The following DCLK3 variants were observed in gnomAD, a reference collection of about 807,000 sequenced individuals.
The protein encoded by DCLK3 is doublecortin like kinase 3, also known as serine/threonine-protein kinase DCLK3.
In DCLK3, 30 loss-of-function variants were observed where a neutral mutation model predicts 46.4. The observed-to-expected ratio is 0.65, with a 90% confidence interval of 0.48 to 0.88. The LOEUF is 0.88. DCLK3 is among the 40% of genes least tolerant of loss of function. The pLI is 0.00. For missense variants in DCLK3, 846 were observed against 907.1 expected (o/e 0.93, Z 0.87); for synonymous variants, 401 against 339.2 (o/e 1.18, Z -2.00).
At position 36,738,024 on chromosome 3, in the gene DCLK3, T is replaced by C; in HGVS notation, c.1143A>G (p.Gln381=). Reference sequence around the variant, plus strand: ...TGCTCTTGCTGGGTCTCCTCAGCTCTTGAGTGGGATTCCTGGGGCTGCTCC... The same window carrying C: ...TGCTCTTGCTGGGTCTCCTCAGCTCCTGAGTGGGATTCCTGGGGCTGCTCC... ...SHRSSPRNPT[Q]ELRRPSKSMD... The change falls in exon 2 of 5, where the codon CAA becomes CAG. Residue 381 remains glutamine, a synonymous_variant. Coordinates refer to ENST00000636136, the MANE Select transcript of DCLK3 (RefSeq NM_001394672.2). 6.2e-7 allele frequency: 1 copy of C among 1,614,158 alleles called. No individual in the cohort carries two copies. The highest frequency in any genetic ancestry group is 8.5e-7 in the Non-Finnish European group (1 of 1,180,022).
chr3:36,747,462 T>C (rs924833251), intron 1 of DCLK3, among the ~76,000 whole-genome samples: 4 of 151,708 alleles, frequency 2.6e-5, no homozygotes, highest in African/African-American at 4.8e-5. Flanking sequence ...TTCTCATATA[T>C]ATATATTTCT....
chr3:36,737,403 T>G lies in DCLK3; in HGVS notation c.1764A>C (p.Glu588Asp). Residue 588 changes from glutamate (E) to aspartate (D), a missense_variant, in exon 2 of 5, where the codon GAA (glutamate) becomes GAC (aspartate). Physicochemically the swap from Glu to Asp is conservative, Grantham distance 45 (BLOSUM62 2). This residue lies in a region of DCLK3 where 247 missense variants were observed against 322.8 expected (regional missense o/e 0.77). Coordinates refer to ENST00000636136, the MANE Select transcript of DCLK3 (RefSeq NM_001394672.2). This position sits in a 1 kb window ranked among gnomAD's most constrained non-coding sequence, Gnocchi z 4.4. ...AGATTTCCATGTCTGTTTCGTAGAC[T>G]TCATGCAATTTCACGATGTTGGGGT... is the stretch of plus-strand genomic sequence containing the variant. ...LSHPNIVKLHEVYETDMEIYL... is the reference protein window; with the variant it reads ...LSHPNIVKLHDVYETDMEIYL... The G allele has an allele frequency of 6.2e-7, 1 of 1,614,206 alleles. No individual in the cohort carries two copies. Among genetic ancestry groups the G allele is most frequent in the Non-Finnish European group, 8.5e-7 (1 of 1,180,038 alleles).
intron 1 of DCLK3, among the ~76,000 whole-genome samples, chr3:36,743,769 AT>A (rs1037522846): frequency 6.6e-6 from 1 of 152,050 alleles, no homozygotes; most frequent in African/African-American, 2.4e-5. Flanking sequence ...GTAGCTCCTT[AT>A]TAGCCTCCTT....
chr3:36,764,520 G>A lies in DCLK3; in HGVS notation c.-257C>T, dbSNP rs2125542025. Among the ~76,000 whole-genome samples, 1 of 152,222 alleles carries A rather than the reference G, an allele frequency of 6.6e-6. No individual in the cohort carries two copies. The highest frequency in any genetic ancestry group is 2.1e-4 in the South Asian group (1 of 4,832). The stretch of plus-strand genomic sequence containing the variant: ...CGCACCAGCTGCAGCCGCCCTCTCT[G>A]CGCCGGTCCCGCCATGCGCGCCGCT... On this transcript the variant is annotated 5_prime_UTR_variant, in exon 1 of 5. The change creates a premature stop within an existing upstream ORF in the 5' untranslated region. Coordinates refer to ENST00000636136, the MANE Select transcript of DCLK3 (RefSeq NM_001394672.2). The surrounding 1 kb of genome is among the most constrained non-coding windows in gnomAD (Gnocchi z 4.9).
chr3:36,751,061 TCTAAAA>T lies in DCLK3; in HGVS notation c.83-11983_83-11978del, dbSNP rs1305631841. On this transcript the variant is annotated intron_variant, in intron 1 of 4. Coordinates refer to ENST00000636136, the MANE Select transcript of DCLK3 (RefSeq NM_001394672.2). The stretch of plus-strand genomic sequence containing the variant: ...CCTGATATCCCTGTAGACGGGATGA[TCTAAAA>T]AAAAAAAAAAAAAAAAAAACTCCCC... Among the ~76,000 whole-genome samples, 65 of 28,248 alleles carry T rather than the reference TCTAAAA, an allele frequency of 2.3e-3. No homozygotes were observed. In the East Asian group the frequency reaches 0.075, roughly 33 times the overall value. 18.5% of individuals were successfully genotyped at this position (28,248 alleles called of 152,430 possible).
intron 1 of DCLK3, among the ~76,000 whole-genome samples, chr3:36,745,510 A>C (rs541250466): frequency 3.9e-5 from 6 of 152,248 alleles, no homozygotes; most frequent in African/African-American, 1.4e-4. Context: ...GATGACTAAA[A>C]AAGAAAGGTC....
Position 36,738,801 on chromosome 3 carries a change from G to A in DCLK3, c.366C>T (p.Phe122=), listed in dbSNP as rs990173559. 36 of 1,080,088 alleles carry A rather than the reference G, an allele frequency of 3.3e-5. No homozygotes were observed. Among genetic ancestry groups the A allele is most frequent in the African/African-American group, 1.1e-4 (7 of 62,076 alleles). The allele number at this position is 1,080,088 out of a possible 1,614,324, so 66.9% of individuals were successfully genotyped here. ...LLLNRRSVQT[F]EQLLADISEA... is the part of the protein sequence containing the mutation. The stretch of plus-strand genomic sequence containing the variant: ...CTGAGATGTCAGCTAAGAGCTGCTC[G>A]AACGTCTGCACTGATCGCCTGTTGA... The change falls in exon 2 of 5, where the codon TTC becomes TTT. Residue 122 remains phenylalanine (F), a synonymous_variant. Transcript: ENST00000636136.
intron 1 of DCLK3, among the ~76,000 whole-genome samples, chr3:36,746,068 T>C (rs555181403): frequency 8.5e-5 from 13 of 152,298 alleles, no homozygotes; most frequent in Non-Finnish European, 1.8e-4. Context: ...TCACTACCTA[T>C]CCTCTTTATT....
intron 4 of DCLK3, among the ~76,000 whole-genome samples, chr3:36,715,956 A>T (rs1234160538): frequency 6.6e-6 from 1 of 152,230 alleles, no homozygotes; most frequent in African/African-American, 2.4e-5. Context: ...CTATACATCT[A>T]CATACTTTAA....
At chr3:36,720,856 G>A (rs995794816) in intron 3 of DCLK3, among the ~76,000 whole-genome samples, 2 of 152,002 alleles carry the variant, frequency 1.3e-5, no homozygotes, top group Non-Finnish European at 2.9e-5. Flanking sequence ...GAAACTATCC[G>A]TCCATCCCTT....
chr3:36,736,381 A>G lies in DCLK3; in HGVS notation c.1959+827T>C, dbSNP rs77537272. ...ATGTGACCTTATATGTGGTTTGGAC[A>G]ATATTCTTATTTTTATCTGCATTTG... On this transcript the variant is annotated intron_variant, in intron 2 of 4. Coordinates refer to ENST00000636136, the MANE Select transcript of DCLK3 (RefSeq NM_001394672.2). 7.1e-3 allele frequency among the ~76,000 whole-genome samples: 1,087 copies of G among 152,248 alleles called. 18 individuals carry two copies. Among genetic ancestry groups the G allele is most frequent in the African/African-American group, 0.025 (1,044 of 41,536 alleles).
chr3:36,758,765 C>G (rs1701510901), intron 1 of DCLK3, among the ~76,000 whole-genome samples: 1 of 152,060 alleles, frequency 6.6e-6, no homozygotes, highest in Non-Finnish European at 1.5e-5. Flanking sequence ...TTATCACAGG[C>G]CAATGAGAAA....
intron 2 of DCLK3, among the ~76,000 whole-genome samples, chr3:36,730,193 T>TACACACAC (rs55833576): frequency 1.3e-4 from 19 of 143,170 alleles, no homozygotes; most frequent in African/African-American, 2.9e-4. Context: ...ACACCATATA[T>TACACACAC]ACACACACAC....
chr3:36,734,463 G>C (rs1471720278), intron 2 of DCLK3, among the ~76,000 whole-genome samples: 1 of 152,032 alleles, frequency 6.6e-6, no homozygotes, highest in Non-Finnish European at 1.5e-5. Flanking sequence ...CAAATATGCA[G>C]CTTTCTACAG....
intron 2 of DCLK3, among the ~76,000 whole-genome samples, chr3:36,722,298 G>A (rs1701070695): frequency 6.6e-6 from 1 of 152,056 alleles, no homozygotes; most frequent in Non-Finnish European, 1.5e-5. Flanking sequence ...AGAAAAACAG[G>A]GTGACTATAG....
intron 1 of DCLK3, among the ~76,000 whole-genome samples, chr3:36,763,416 C>T (rs578103029): frequency 6.6e-6 from 1 of 152,354 alleles, no homozygotes; most frequent in South Asian, 2.1e-4. Flanking sequence ...CACCACACCT[C>T]GCCCCCAGGG....
At chr3:36,744,863 TAA>T in intron 1 of DCLK3, among the ~76,000 whole-genome samples, 1 of 152,166 alleles carries the variant, frequency 6.6e-6, no homozygotes, top group Non-Finnish European at 1.5e-5. Context: ...GCTGGGGAGA[TAA>T]ACGGAATTTC....
chr3:36,719,500 A>T (rs1701031161), intron 3 of DCLK3, among the ~76,000 whole-genome samples: 1 of 152,176 alleles, frequency 6.6e-6, no homozygotes. Context: ...AATCCTAGAA[A>T]TGTCCCTTGG....
chr3:36,730,576 G>A (rs1202087085), intron 2 of DCLK3, among the ~76,000 whole-genome samples: 2 of 152,154 alleles, frequency 1.3e-5, no homozygotes, highest in African/African-American at 2.4e-5. Context: ...AGTGGGATAA[G>A]GGCTGCGTTG....
Sources: allele counts gnomAD v4.1 joint callset (sites outside exome capture counted in the v4.1 genomes callset), GRCh38; gene constraint gnomAD v4.1.1; regional missense constraint gnomAD v4.1.1; non-coding constraint Gnocchi (gnomAD v3.1); transcripts MANE v1.5; gene names NCBI Gene and HGNC (gene_info 2026-07-23, HGNC 2026-07-21).